LRMDA: variants seen among roughly 807,000 people sequenced by gnomAD.
The protein encoded by LRMDA is leucine-rich melanocyte differentiation-associated protein.
In LRMDA, 18 loss-of-function variants were observed where a neutral mutation model predicts 29.8. The ratio of observed to expected loss-of-function variants is 0.60; its 90% CI spans 0.42 to 0.90. The LOEUF (loss-of-function observed/expected upper bound fraction) is 0.90, where lower values mean the gene tolerates loss of function less well. LRMDA is among the 40% of genes least tolerant of loss of function. LRMDA has a pLI of 0.00. For synonymous variants in LRMDA, 125 were observed against 109.4 expected (o/e 1.14, Z -0.89); for missense variants, 273 against 273.9 (o/e 1.00, Z 0.02).
chr10:76,331,581 G>A (rs1421777562), intron 6 of LRMDA, among the ~76,000 whole-genome samples: 1 of 152,180 alleles, frequency 6.6e-6, no homozygotes, highest in Non-Finnish European at 1.5e-5. Flanking sequence ...AACCTCCTTA[G>A]AGACAAGAAT....
chr10:75,431,690 G>T lies in LRMDA; in HGVS notation c.-35G>T, dbSNP rs1274112038. ...CCCGCTGCTGCCGCCGCGCCCCCGCGCTCCGTCCCGCGCGCCCGCAGCGTC... is the reference window on the plus strand; with the variant it reads ...CCCGCTGCTGCCGCCGCGCCCCCGCTCTCCGTCCCGCGCGCCCGCAGCGTC... On this transcript the variant is annotated 5_prime_UTR_variant, in exon 1 of 7. Transcript: ENST00000611255. The T allele has an allele frequency of 7.8e-7, 1 of 1,285,068 alleles. No individual in the cohort carries two copies. Among genetic ancestry groups the T allele is most frequent in the African/African-American group, 1.5e-5 (1 of 64,676 alleles). The allele number at this position is 1,285,068 out of a possible 1,614,324, so 79.6% of individuals were successfully genotyped here. A position where few individuals can be genotyped will look rare whatever the true frequency, so the allele number is the denominator to read the frequency against.
chr10:76,108,809 A>G (rs2132110934), intron 5 of LRMDA, among the ~76,000 whole-genome samples: 1 of 152,278 alleles, frequency 6.6e-6, no homozygotes, highest in Admixed American at 6.5e-5. Context: ...CTTGCTGCTA[A>G]ATTTTGGAAA....
chr10:75,485,482 C>T (rs924732052), intron 2 of LRMDA, among the ~76,000 whole-genome samples: 6 of 152,116 alleles, frequency 3.9e-5, no homozygotes, highest in African/African-American at 1.4e-4. Context: ...CTGCAACCTC[C>T]ACCTTCAGAG....
At chr10:76,518,514 G>A (rs73276705) in intron 6 of LRMDA, among the ~76,000 whole-genome samples, 7,226 of 152,086 alleles carry the variant, frequency 0.048, 216 homozygotes, top group African/African-American at 0.069. Context: ...CTAAGATACC[G>A]ACATTTGTAA....
chr10:75,983,716 A>G (rs1266572317), intron 2 of LRMDA, among the ~76,000 whole-genome samples: 6 of 152,140 alleles, frequency 3.9e-5, no homozygotes, highest in Non-Finnish European at 8.8e-5. Context: ...GTGCAGTGGC[A>G]CAATCTTGGC....
chr10:75,856,472 AG>A (rs1303505180), intron 2 of LRMDA, among the ~76,000 whole-genome samples: 1 of 152,224 alleles, frequency 6.6e-6, no homozygotes, highest in Non-Finnish European at 1.5e-5. Flanking sequence ...CACATCAAAA[AG>A]TTTGTCCACC....
chr10:76,118,861 T>G (rs1283822043), intron 5 of LRMDA, among the ~76,000 whole-genome samples: 2 of 147,290 alleles, frequency 1.4e-5, no homozygotes, highest in African/African-American at 5.2e-5. Flanking sequence ...TTTTTTTTTT[T>G]TTTTGAGCAG....
intron 2 of LRMDA, among the ~76,000 whole-genome samples, chr10:75,752,892 G>A (rs569427660): frequency 5.3e-5 from 8 of 152,226 alleles, no homozygotes; most frequent in East Asian, 3.9e-4. Flanking sequence ...TCTGAATTGC[G>A]TCATGCATAG....
chr10:75,457,256 C>T (rs1844529527), intron 2 of LRMDA, among the ~76,000 whole-genome samples: 1 of 152,220 alleles, frequency 6.6e-6, no homozygotes, highest in African/African-American at 2.4e-5. Flanking sequence ...CTATTTGATG[C>T]ATGTTTCCCC....
At chr10:75,845,780 A>G (rs1486996034) in intron 2 of LRMDA, among the ~76,000 whole-genome samples, 1 of 152,192 alleles carries the variant, frequency 6.6e-6, no homozygotes. Flanking sequence ...TAACTTGGAT[A>G]GAGAGGAGAA....
chr10:75,604,566 A>G (rs1038627826), intron 2 of LRMDA, among the ~76,000 whole-genome samples: 1 of 152,128 alleles, frequency 6.6e-6, no homozygotes, highest in African/African-American at 2.4e-5. Context: ...TGCTTACACA[A>G]GTTTATGGTA....
At chr10:75,737,042 C>T (rs1445649340) in intron 2 of LRMDA, among the ~76,000 whole-genome samples, 1 of 151,990 alleles carries the variant, frequency 6.6e-6, no homozygotes, top group Admixed American at 6.6e-5. Flanking sequence ...TTTGTATACA[C>T]ACACATGCAC....
chr10:75,825,379 C>T (rs545934412), intron 2 of LRMDA, among the ~76,000 whole-genome samples: 14 of 152,228 alleles, frequency 9.2e-5, no homozygotes, highest in East Asian at 1.9e-4. Context: ...AATTATAGGG[C>T]GCTAGGCACG....
chr10:76,325,271 A>G (rs1840819940), intron 6 of LRMDA, among the ~76,000 whole-genome samples: 1 of 152,150 alleles, frequency 6.6e-6, no homozygotes, highest in Non-Finnish European at 1.5e-5. Context: ...CCTCCAAGTC[A>G]CCGTCTGGGC....
chr10:76,544,436 C>G lies in LRMDA; in HGVS notation c.602-12773C>G, dbSNP rs558612064. 7.2e-5 allele frequency among the ~76,000 whole-genome samples: 11 copies of G among 152,282 alleles called. No individual in the cohort carries two copies. The South Asian group carries it at 1.2e-3, about 17-fold the overall frequency. ...ACCACCCACTGTCAGCAGTGTCTGTCTGACTGGGGCATTCTATTGATAGGC... is the reference window on the plus strand; with the variant it reads ...ACCACCCACTGTCAGCAGTGTCTGTGTGACTGGGGCATTCTATTGATAGGC... On this transcript the variant is annotated intron_variant, in intron 6 of 6. Transcript: ENST00000611255.
intron 6 of LRMDA, among the ~76,000 whole-genome samples, chr10:76,385,976 G>A (rs1445388448): frequency 4.6e-5 from 7 of 152,086 alleles, no homozygotes; most frequent in African/African-American, 7.2e-5. Context: ...ACTGTAACAA[G>A]TAGCAATATA....
intron 2 of LRMDA, among the ~76,000 whole-genome samples, chr10:75,574,508 C>T (rs9416072): frequency 3.9e-3 from 593 of 152,338 alleles, no homozygotes; most frequent in Non-Finnish European, 6.8e-3. Context: ...ACATTTGGGC[C>T]TGTTGGTCAG....
chr10:76,491,859 T>C (rs1001412180), intron 6 of LRMDA, among the ~76,000 whole-genome samples: 2 of 152,022 alleles, frequency 1.3e-5, no homozygotes, highest in Non-Finnish European at 2.9e-5. Context: ...GTGTGCTTCA[T>C]TATTTTTTAT....
At chr10:76,143,757 A>T (rs2132153922) in intron 5 of LRMDA, among the ~76,000 whole-genome samples, 1 of 152,316 alleles carries the variant, frequency 6.6e-6, no homozygotes, top group Non-Finnish European at 1.5e-5. Context: ...TTAAACATGA[A>T]GTCCTTGCCC....
Sources: allele counts gnomAD v4.1 joint callset (sites outside exome capture counted in the v4.1 genomes callset), GRCh38; gene constraint gnomAD v4.1.1; transcripts MANE v1.5; gene names NCBI Gene and HGNC (gene_info 2026-07-23, HGNC 2026-07-21).